SCAMP1: variants seen among roughly 807,000 people sequenced by gnomAD.
The protein encoded by SCAMP1 is secretory carrier membrane protein 1, also known as secretory carrier-associated membrane protein 1.
SCAMP1 carries 15 observed loss-of-function variants against 41.8 expected under a neutral mutation model. The observed-to-expected ratio is 0.36, with a 90% CI of 0.24 to 0.55. The LOEUF is 0.55. Ranked by LOEUF, SCAMP1 falls within the 20% of genes least tolerant of loss-of-function variation. The probability of loss-of-function intolerance (pLI) is 0.86; values close to 1 mark genes in which losing one functional copy is unlikely to be tolerated. For synonymous variants in SCAMP1, 135 were observed against 136.8 expected, an observed-to-expected ratio of 0.99 and a Z score of 0.09; for missense variants, 341 against 412.6, an observed-to-expected ratio of 0.83 and a Z score of 1.50.
At chr5:78,415,444 T>C in intron 2 of SCAMP1, 76 bp from the exon 3 acceptor site, 1 of 829,826 alleles carries the variant, frequency 1.2e-6, no homozygotes, top group East Asian at 2.7e-5. Context: ...TTTCATTTTA[T>C]TGGTGTTATA....
chr5:78,449,497 C>T (rs1753162694), intron 6 of SCAMP1, among the ~76,000 whole-genome samples: 1 of 152,038 alleles, frequency 6.6e-6, no homozygotes, highest in African/African-American at 2.4e-5. Context: ...CCAAGGGGCT[C>T]AAGGAAACTT....
chr5:78,360,784 C>T (rs1194439633), intron 1 of SCAMP1, 56 bp downstream of exon 1: 1 of 1,519,612 alleles, frequency 6.6e-7, no homozygotes, highest in East Asian at 2.4e-5. Flanking sequence ...TTTGTGAAAA[C>T]GGACGAGTTC....
At chr5:78,376,890 A>C (rs1751078255) in intron 1 of SCAMP1, among the ~76,000 whole-genome samples, 1 of 152,134 alleles carries the variant, frequency 6.6e-6, no homozygotes, top group African/African-American at 2.4e-5. Context: ...TTGAAATGTG[A>C]GGTATCTTGC....
At chr5:78,432,535 C>T (rs553635789) in intron 6 of SCAMP1, among the ~76,000 whole-genome samples, 26 of 152,132 alleles carry the variant, frequency 1.7e-4, no homozygotes, top group Non-Finnish European at 3.4e-4. Context: ...CATTTTCATC[C>T]GTTCTGGCTT....
At chr5:78,400,687 A>G (rs1437545219) in intron 2 of SCAMP1, among the ~76,000 whole-genome samples, 2 of 152,206 alleles carry the variant, frequency 1.3e-5, no homozygotes, top group African/African-American at 4.8e-5. Flanking sequence ...TGACTTTTGT[A>G]TATTAACTTT....
rs1754093386 is a variant in SCAMP1 at position 78,479,824 on chromosome 5, C to CTT, written c.*4156_*4157insTT. Among the ~76,000 whole-genome samples, 2 of 151,962 alleles carry CTT rather than the reference C, an allele frequency of 1.3e-5. No individual in the cohort carries two copies. The highest frequency in any genetic ancestry group is 2.9e-5 in the Non-Finnish European group (2 of 67,998). ...TTGGGAGGCCAAGGTGGGCGGATCA[C>CTT]GAGGTCAGGAGATCGAAACCATCCT... On this transcript the variant is annotated 3_prime_UTR_variant, in exon 9 of 9. Coordinates refer to ENST00000621999, the MANE Select transcript of SCAMP1 (RefSeq NM_004866.6).
At chr5:78,389,596 G>C (rs1279548519) in intron 2 of SCAMP1, among the ~76,000 whole-genome samples, 1 of 151,932 alleles carries the variant, frequency 6.6e-6, no homozygotes, top group Non-Finnish European at 1.5e-5. Flanking sequence ...TTTATAAAAT[G>C]TACAAGTATG....
intron 7 of SCAMP1, among the ~76,000 whole-genome samples, chr5:78,450,664 C>T (rs1265375849): frequency 1.3e-5 from 2 of 152,186 alleles, no homozygotes; most frequent in East Asian, 3.8e-4. Flanking sequence ...TGGAAGAGTA[C>T]ACATCTCTAA....
At chr5:78,371,736 G>A (rs148838065) in intron 1 of SCAMP1, among the ~76,000 whole-genome samples, 1 of 152,038 alleles carries the variant, frequency 6.6e-6, no homozygotes, top group Non-Finnish European at 1.5e-5. Flanking sequence ...AACTTGATAT[G>A]TTTCCTTTTT....
At chr5:78,462,744 TA>T (rs903315870) in intron 8 of SCAMP1, among the ~76,000 whole-genome samples, 7 of 150,452 alleles carry the variant, frequency 4.7e-5, no homozygotes, top group African/African-American at 7.3e-5. Flanking sequence ...TTCACAGCTT[TA>T]AAAAAAAAAT....
chr5:78,415,229 A>G (rs1272695788), intron 2 of SCAMP1, among the ~76,000 whole-genome samples: 1 of 152,240 alleles, frequency 6.6e-6, no homozygotes, highest in African/African-American at 2.4e-5. Context: ...CTGGGATTAC[A>G]GGCATGAGCC....
chr5:78,480,545 A>G lies in SCAMP1; in HGVS notation c.*4877A>G, dbSNP rs1460759082. Among the ~76,000 whole-genome samples the G allele has an allele frequency of 6.6e-6, 1 of 152,204 alleles. No homozygotes were observed. The highest frequency in any genetic ancestry group is 1.5e-5 in the Non-Finnish European group (1 of 68,040). On this transcript the variant is annotated 3_prime_UTR_variant, in exon 9 of 9. Transcript: ENST00000621999. ...TTGGGGATGGGGGAAAACACCAAAAATCAGTGTCTTTTATCTGGTGATCAC... is the reference window on the plus strand; with the variant it reads ...TTGGGGATGGGGGAAAACACCAAAAGTCAGTGTCTTTTATCTGGTGATCAC...
chr5:78,401,416 C>T (rs1339827078), intron 2 of SCAMP1, among the ~76,000 whole-genome samples: 3 of 152,158 alleles, frequency 2.0e-5, no homozygotes, highest in African/African-American at 7.2e-5. Context: ...AAAATTTCTA[C>T]CTTAAATGAT....
chr5:78,439,205 C>T (rs935192942), intron 6 of SCAMP1, among the ~76,000 whole-genome samples: 2 of 152,146 alleles, frequency 1.3e-5, no homozygotes, highest in African/African-American at 4.8e-5. Context: ...GGGCATTTAG[C>T]CCATTTACAT....
At chr5:78,403,658 C>CA (rs1475796817) in intron 2 of SCAMP1, among the ~76,000 whole-genome samples, 1 of 151,876 alleles carries the variant, frequency 6.6e-6, no homozygotes, top group Admixed American at 6.6e-5. Context: ...CAAAACAAAA[C>CA]AAAGAACAAA....
intron 6 of SCAMP1, among the ~76,000 whole-genome samples, chr5:78,434,195 C>A (rs1438859253): frequency 6.6e-6 from 1 of 152,172 alleles, no homozygotes; most frequent in African/African-American, 2.4e-5. Context: ...GCTTTGGCTC[C>A]TGGGGGTTCT....
intron 2 of SCAMP1, among the ~76,000 whole-genome samples, chr5:78,414,770 TA>T (rs2112134936): frequency 6.6e-6 from 1 of 152,230 alleles, no homozygotes; most frequent in East Asian, 1.9e-4. Context: ...TTGGGTAATT[TA>T]TTTTCTCTCT....
At position 78,363,276 on chromosome 5, in the gene SCAMP1, G is replaced by A. The variant is rs896222524; in HGVS notation, c.57+2548G>A. Among the ~76,000 whole-genome samples the A allele has an allele frequency of 6.6e-5, 10 of 151,046 alleles. No homozygotes were observed. The East Asian group carries it at 1.4e-3, about 21-fold the overall frequency. ...CGCCCAGGTTGGAGTGCAGTGGCGC[G>A]ATCTCTGCTCACTGCAAGCGCTGCC... is the stretch of plus-strand genomic sequence containing the variant. On this transcript the variant is annotated intron_variant, in intron 1 of 8. Coordinates refer to ENST00000621999, the MANE Select transcript of SCAMP1 (RefSeq NM_004866.6).
chr5:78,469,316 G>A (rs1753817422), intron 8 of SCAMP1, among the ~76,000 whole-genome samples: 1 of 151,968 alleles, frequency 6.6e-6, no homozygotes, highest in Non-Finnish European at 1.5e-5. Flanking sequence ...ATCAATTCTG[G>A]ATGGTTCACA....
Sources: gnomAD v4.1 joint callset for allele counts (sites outside exome capture counted in the v4.1 genomes callset) on GRCh38, gnomAD v4.1.1 for gene constraint, MANE v1.5 for transcripts, NCBI Gene and HGNC (gene_info 2026-07-23, HGNC 2026-07-21) for gene names.